Variants in MANSC1 observed in about 807,000 individuals in gnomAD.
MANSC1 encodes MANSC domain containing 1, also known as MANSC domain-containing protein 1.
A neutral mutation model predicts 14.1 loss-of-function variants in MANSC1; 13 were observed. The ratio of observed to expected loss-of-function variants is 0.92; its 90% CI spans 0.60 to 1.46. The LOEUF is 1.46. Among genes scored for constraint, MANSC1 ranks in the 40% most tolerant of loss-of-function variants. The pLI is 0.00. For missense variants in MANSC1, 486 were observed against 511.4 expected (o/e 0.95, Z 0.48); for synonymous variants, 227 against 200.7 (o/e 1.13, Z -1.11).
At chr12:12,341,204 T>C (rs1356760655) in intron 2 of MANSC1, among the ~76,000 whole-genome samples, 2 of 152,136 alleles carry the variant, frequency 1.3e-5, no homozygotes, top group African/African-American at 4.8e-5. Context: ...CCCTCAGATT[T>C]GATAATTTGC....
chr12:12,329,939 C>A lies in MANSC1; in HGVS notation c.*88G>T. 1.8e-6 allele frequency: 2 copies of A among 1,117,442 alleles called. No homozygotes were observed. The highest frequency in any genetic ancestry group is 1.6e-5 in the South Asian group (1 of 62,702). The allele number at this position is 1,117,442 out of a possible 1,614,324, so 69.2% of individuals were successfully genotyped here. ...GCATTTTCCTGTCTTCAAAATACAACCTCCTGCTAAGACTAGCAAGTCAGC... is the reference window on the plus strand; with the variant it reads ...GCATTTTCCTGTCTTCAAAATACAAACTCCTGCTAAGACTAGCAAGTCAGC... On this transcript the variant is annotated 3_prime_UTR_variant, in exon 4 of 4. Coordinates refer to ENST00000535902, the MANE Select transcript of MANSC1 (RefSeq NM_018050.4).
chr12:12,330,740 G>A lies in MANSC1; in HGVS notation c.583C>T (p.Leu195Phe). The change falls in exon 4 of 4, where the codon CTC (leucine) becomes TTC (phenylalanine). Residue 195 changes from leucine (L) to phenylalanine (F), a missense_variant. By Grantham distance (22) the Leu-to-Phe change is conservative (BLOSUM62 0). Transcript: ENST00000535902. ...LFKMDEASAQ[L>F]LAYKEKGHSQ... is the part of the protein sequence containing the mutation. ...TGGCCTTTTTCCTTATAAGCAAGGA[G>A]CTGGGCACTTGCTTCATCCATCTTA... The A allele has an allele frequency of 6.2e-7, 1 of 1,613,940 alleles. No homozygotes were observed. Among genetic ancestry groups the A allele is most frequent in the Non-Finnish European group, 8.5e-7 (1 of 1,179,780 alleles).
At chr12:12,347,405 C>T (rs570395962) in intron 1 of MANSC1, among the ~76,000 whole-genome samples, 4 of 152,304 alleles carry the variant, frequency 2.6e-5, no homozygotes, top group African/African-American at 9.6e-5. Flanking sequence ...GGCAGTAATG[C>T]ATAATGTAAA....
chr12:12,345,524 C>T (rs1227682293), intron 1 of MANSC1, among the ~76,000 whole-genome samples: 2 of 152,006 alleles, frequency 1.3e-5, no homozygotes, highest in East Asian at 1.9e-4. Flanking sequence ...TTTTTGACAG[C>T]CTTAAAAATA....
Position 12,340,023 on chromosome 12 carries a change from G to A in MANSC1, c.224-1463C>T, listed in dbSNP as rs143888708. 1.6e-3 allele frequency among the ~76,000 whole-genome samples: 243 copies of A among 152,154 alleles called. 1 individual carries two copies. The highest frequency in any genetic ancestry group is 3.1e-3 in the Non-Finnish European group (210 of 68,002). ...GGCGGGGTCTCACTATGTTGCCTAG[G>A]CTGATCTTGAACTCTTGGGCTCAAG... On this transcript the variant is annotated intron_variant, in intron 2 of 3. Coordinates refer to ENST00000535902, the MANE Select transcript of MANSC1 (RefSeq NM_018050.4).
At chr12:12,338,036 T>C (rs919211404) in intron 3 of MANSC1, among the ~76,000 whole-genome samples, 9 of 152,202 alleles carry the variant, frequency 5.9e-5, no homozygotes, top group African/African-American at 2.2e-4. Context: ...GTGATTATAA[T>C]GGGAACTTAA....
intron 2 of MANSC1, among the ~76,000 whole-genome samples, chr12:12,342,599 T>G (rs925394553): frequency 2.0e-5 from 3 of 147,774 alleles, no homozygotes; most frequent in East Asian, 2.0e-4. Context: ...TTTTTTTTTT[T>G]TTTTTTTTTG....
intron 2 of MANSC1, 22 bp from the exon 3 acceptor site, chr12:12,338,582 G>A (rs1373881598): frequency 6.2e-6 from 10 of 1,606,456 alleles, no homozygotes; most frequent in Non-Finnish European, 8.5e-6. Context: ...GGTTTCATAA[G>A]CATGATTTTG....
chr12:12,331,646 C>T (rs2135988256), intron 3 of MANSC1, among the ~76,000 whole-genome samples: 1 of 152,188 alleles, frequency 6.6e-6, no homozygotes, highest in East Asian at 1.9e-4. Context: ...TATGTGGAAG[C>T]TGTGGGAAAT....
At chr12:12,342,971 T>C (rs1437504644) in intron 2 of MANSC1, 121 bp downstream of exon 2, 20 of 707,848 alleles carry the variant, frequency 2.8e-5, no homozygotes, top group Non-Finnish European at 4.6e-5. Context: ...TCTCCAGTGA[T>C]TTTGTCACTT....
At chr12:12,344,916 C>CATAT (rs536743365) in intron 1 of MANSC1, among the ~76,000 whole-genome samples, 348 of 33,394 alleles carry the variant, frequency 0.01, 12 homozygotes, top group Middle Eastern at 0.019. Context: ...AATAAACTCC[C>CATAT]ATATATATAT....
At chr12:12,341,141 A>G (rs1171259503) in intron 2 of MANSC1, among the ~76,000 whole-genome samples, 1 of 152,148 alleles carries the variant, frequency 6.6e-6, no homozygotes, top group Non-Finnish European at 1.5e-5. Flanking sequence ...CAGGTCACCC[A>G]CACTTCTGCC....
intron 2 of MANSC1, among the ~76,000 whole-genome samples, chr12:12,342,574 GTGTTTTTT>G (rs1216652945): frequency 0.064 from 7,152 of 111,886 alleles, 177 homozygotes; most frequent in East Asian, 0.18. Flanking sequence ...CTAGTAGTCA[GTGTTTTTT>G]TGTTTTTTTT....
In MANSC1 at chr12:12,330,710, G is replaced by A. The variant is rs1862775633; in HGVS notation, c.613C>T (p.Gln205Ter). 4.3e-6 allele frequency: 7 copies of A among 1,614,124 alleles called. No homozygotes were observed. Among genetic ancestry groups the A allele is most frequent in the Admixed American group, 3.3e-5 (2 of 60,000 alleles). The change falls in exon 4 of 4, where the codon CAG becomes TAG. Residue 205 changes from glutamine (Q) to a stop codon, truncating the protein, a stop_gained. Coordinates refer to ENST00000535902, the MANE Select transcript of MANSC1 (RefSeq NM_018050.4). LOFTEE classifies it low-confidence loss of function (END_TRUNC). ...LLAYKEKGHS[Q>*]SSQFSSDQEI... ...TGATCAGAGGAAAATTGTGAACTCT[G>A]AGAATGGCCTTTTTCCTTATAAGCA...
At chr12:12,346,555 A>G (rs1183734962) in intron 1 of MANSC1, among the ~76,000 whole-genome samples, 3 of 152,204 alleles carry the variant, frequency 2.0e-5, no homozygotes, top group African/African-American at 7.2e-5. Context: ...CCAGAAATAG[A>G]CCCTCACAAA....
At chr12:12,349,346 C>G (rs913346825) in intron 1 of MANSC1, among the ~76,000 whole-genome samples, 5 of 152,182 alleles carry the variant, frequency 3.3e-5, no homozygotes, top group African/African-American at 1.2e-4. Context: ...AGCCTCTTTT[C>G]AAGCTTTTGC....
At chr12:12,339,576 G>T (rs921115285) in intron 2 of MANSC1, among the ~76,000 whole-genome samples, 1 of 152,102 alleles carries the variant, frequency 6.6e-6, no homozygotes, top group Admixed American at 6.6e-5. Context: ...CCATCTCTTG[G>T]ATTCTGAAAG....
chr12:12,330,047 C>A lies in MANSC1; in HGVS notation c.1276G>T (p.Gly426Trp). The change falls in exon 4 of 4, where the codon GGG (glycine) becomes TGG (tryptophan). Residue 426 changes from glycine to tryptophan, a missense_variant. Coordinates refer to ENST00000535902, the MANE Select transcript of MANSC1 (RefSeq NM_018050.4). ...CATCCTTAGATGTCCACATAGATCC[C>A]ATTGATCAAATAATCCAGTCTTGAG... is the stretch of plus-strand genomic sequence containing the variant. ...RYSRLDYLIN[G>W]IYVDI The A allele has an allele frequency of 1.2e-6, 2 of 1,614,054 alleles. No individual in the cohort carries two copies. Among genetic ancestry groups the A allele is most frequent in the East Asian group, 2.2e-5 (1 of 44,886 alleles).
chr12:12,345,480 C>T (rs1158541705), intron 1 of MANSC1, among the ~76,000 whole-genome samples: 6 of 152,122 alleles, frequency 3.9e-5, no homozygotes, highest in African/African-American at 1.4e-4. Context: ...GAATACGCTG[C>T]CTCAGTTAAA....
Sources: allele counts gnomAD v4.1 joint callset (sites outside exome capture counted in the v4.1 genomes callset), GRCh38; gene constraint gnomAD v4.1.1; transcripts MANE v1.5; gene names NCBI Gene and HGNC (gene_info 2026-07-23, HGNC 2026-07-21).